TPO: variants seen among roughly 807,000 people sequenced by gnomAD.
TPO encodes thyroid microsomal antigen.
Under a neutral mutation model 96.9 loss-of-function variants are expected in TPO, and 78 were observed. The ratio of observed to expected loss-of-function variants is 0.81; its 90% CI spans 0.67 to 0.97. The LOEUF is 0.97. TPO is among the 50% of genes least tolerant of loss of function. The pLI is 0.00. For synonymous variants in TPO, 547 were observed against 538.0 expected (o/e 1.02, Z -0.23); for missense variants, 1,252 against 1,274.8 (o/e 0.98, Z 0.27).
chr2:1,521,301 G>A (rs1442060661), intron 15 of TPO, among the ~76,000 whole-genome samples: 1 of 152,142 alleles, frequency 6.6e-6, no homozygotes, highest in South Asian at 2.1e-4. Flanking sequence ...GAGCTGACGG[G>A]TGCTGTTTCT....
chr2:1,405,326 C>A (rs55750095), intron 1 of TPO, among the ~76,000 whole-genome samples: 58,667 of 151,170 alleles, frequency 0.39, 11,538 homozygotes, highest in Admixed American at 0.48. Flanking sequence ...ATGCACCCAC[C>A]CATCCATCCA....
At chr2:1,521,487 A>G (rs574328357) in intron 15 of TPO, among the ~76,000 whole-genome samples, 1 of 152,078 alleles carries the variant, frequency 6.6e-6, no homozygotes, top group East Asian at 1.9e-4. Context: ...CCTCCTCCCC[A>G]GGGACCCTCC....
chr2:1,527,831 C>CTGTGTGCAACCTCCTAAATCCCCCCAA (rs1276318932), intron 15 of TPO, among the ~76,000 whole-genome samples: 9,984 of 106,080 alleles, frequency 0.094, 925 homozygotes, highest in Non-Finnish European at 0.11. Flanking sequence ...AATCCCCATA[C>CTGTGTGCAACCTCCTAAATCCCCCCAA]TGTGTGCAAC....
At chr2:1,493,171 G>C (rs28911494) in intron 10 of TPO, among the ~76,000 whole-genome samples, 9,189 of 137,314 alleles carry the variant, frequency 0.067, 475 homozygotes, top group South Asian at 0.14. Flanking sequence ...TGAGTGGCCA[G>C]ACAGATAAAG....
At chr2:1,532,969 C>G (rs1327144756) in intron 15 of TPO, among the ~76,000 whole-genome samples, 57 of 55,806 alleles carry the variant, frequency 1.0e-3, no homozygotes, top group South Asian at 1.7e-3. Context: ...CCCACTGTGT[C>G]CAGCCTCCCC....
intron 15 of TPO, among the ~76,000 whole-genome samples, chr2:1,537,299 GCAACGTCCCCAAACCTACTC>G (rs1679975583): frequency 3.4e-5 from 2 of 59,056 alleles, no homozygotes; most frequent in Admixed American, 2.8e-4. Flanking sequence ...CCCACCCTCT[GCAACGTCCCCAAACCTACTC>G]TGTCCAACCT....
intron 3 of TPO, among the ~76,000 whole-genome samples, chr2:1,428,992 A>G (rs1234519466): frequency 6.6e-6 from 1 of 152,142 alleles, no homozygotes; most frequent in Non-Finnish European, 1.5e-5. Context: ...AGTGTCCTCA[A>G]AGTTCATGAC....
chr2:1,481,442 C>T (rs917830087), intron 8 of TPO, among the ~76,000 whole-genome samples: 5 of 152,150 alleles, frequency 3.3e-5, no homozygotes, highest in African/African-American at 1.2e-4. Context: ...CATCAGATAG[C>T]AGACCTATTT....
intron 1 of TPO, among the ~76,000 whole-genome samples, chr2:1,383,294 T>C (rs1661838149): frequency 6.6e-6 from 1 of 152,196 alleles, no homozygotes; most frequent in Non-Finnish European, 1.5e-5. Flanking sequence ...TTCTGAGGAA[T>C]TGCCACACTG....
intron 15 of TPO, among the ~76,000 whole-genome samples, chr2:1,525,732 C>T (rs1360358757): frequency 2.1e-5 from 2 of 95,538 alleles, no homozygotes; most frequent in African/African-American, 8.1e-5. Context: ...CCCCACTCTG[C>T]AAACTCCCCA....
rs558267593 is a variant in TPO at position 1,535,010 on chromosome 2, CAA to C, written c.2619-5583_2619-5582del. ...TGTGTGCAATTTCCCTAAATCGCCG[CAA>C]GTGTGTACAACCTCCCCAAATCCCC... is the stretch of plus-strand genomic sequence containing the variant. On this transcript the variant is annotated intron_variant, in intron 15 of 16. Coordinates refer to ENST00000329066, the MANE Select transcript of TPO (RefSeq NM_001206744.2). Among the ~76,000 whole-genome samples, 31 of 147,636 alleles carry C rather than the reference CAA, an allele frequency of 2.1e-4. 2 individuals are homozygous for C. Among genetic ancestry groups the C allele is most frequent in the African/African-American group, 7.0e-4 (28 of 39,786 alleles).
intron 1 of TPO, among the ~76,000 whole-genome samples, chr2:1,379,392 A>AT (rs1020350265): frequency 6.6e-6 from 1 of 152,182 alleles, no homozygotes; most frequent in Non-Finnish European, 1.5e-5. Flanking sequence ...CATATGTGAC[A>AT]TTCAGCCCAG....
intron 15 of TPO, among the ~76,000 whole-genome samples, chr2:1,528,733 CTCCCCAAA>C (rs1210282629): frequency 2.8e-5 from 4 of 140,360 alleles, no homozygotes; most frequent in African/African-American, 1.1e-4. Context: ...TCTGTGCAAC[CTCCCCAAA>C]TCCCCCACAC....
chr2:1,404,001 A>G (rs772971433), intron 1 of TPO, among the ~76,000 whole-genome samples: 57 of 152,286 alleles, frequency 3.7e-4, no homozygotes, highest in Non-Finnish European at 6.3e-4. Context: ...CTCAACTTTC[A>G]GTTTTGGATA....
intron 15 of TPO, among the ~76,000 whole-genome samples, chr2:1,524,390 C>T (rs1675932863): frequency 9.2e-6 from 1 of 108,778 alleles, no homozygotes. Context: ...ATCCCCCCCA[C>T]TCTGTGCAAC....
rs1670949876 is a variant in TPO at position 1,484,616 on chromosome 2, C to T, written c.1359C>T (p.Tyr453=). 6.2e-7 allele frequency: 1 copy of T among 1,614,054 alleles called. No individual in the cohort carries two copies. The highest frequency in any genetic ancestry group is 8.5e-7 in the Non-Finnish European group (1 of 1,180,044). ...CACAGATCATCACCCTGAGGGATTA[C>T]ATCCCCAGGATCCTGGGACCCGAGG... ...ALHQIITLRD[Y]IPRILGPEAF... Residue 453 remains tyrosine (Y), a synonymous_variant, in exon 9 of 17, where the codon TAC becomes TAT. Transcript: ENST00000329066.
At chr2:1,390,541 A>G (rs544958091) in intron 1 of TPO, among the ~76,000 whole-genome samples, 3 of 152,312 alleles carry the variant, frequency 2.0e-5, no homozygotes, top group East Asian at 3.9e-4. Context: ...TTGGGAATAT[A>G]CCCAGTAATG....
chr2:1,436,580 C>A (rs931073969), intron 5 of TPO, among the ~76,000 whole-genome samples, 196 bp downstream of exon 5: 7 of 152,216 alleles, frequency 4.6e-5, no homozygotes, highest in African/African-American at 7.2e-5. Context: ...GCAGTACTGT[C>A]ATTCCCAGCC....
At position 1,512,189 on chromosome 2, in the gene TPO, A is replaced by G. The variant is rs1201783993; in HGVS notation, c.2519-4694A>G. Among the ~76,000 whole-genome samples, 9 of 152,040 alleles carry G rather than the reference A, an allele frequency of 5.9e-5. No homozygotes were observed. In the East Asian group the frequency reaches 9.7e-4, roughly 16 times the overall value. ...GCTGGGACTACAGGCGCCCGCCACC[A>G]CGCCCGGCTAATTTTTGTTTTTGTA... is the stretch of plus-strand genomic sequence containing the variant. On this transcript the variant is annotated intron_variant, in intron 14 of 16. Coordinates refer to ENST00000329066, the MANE Select transcript of TPO (RefSeq NM_001206744.2).
Sources: allele counts gnomAD v4.1 joint callset (sites outside exome capture counted in the v4.1 genomes callset), GRCh38; gene constraint gnomAD v4.1.1; transcripts MANE v1.5; gene names NCBI Gene and HGNC (gene_info 2026-07-23, HGNC 2026-07-21).